The following SUPT3H variants were observed in gnomAD, a reference collection of about 807,000 sequenced individuals.
The protein encoded by SUPT3H is transcription initiation protein SPT3 homolog.
SUPT3H carries 44 observed loss-of-function variants against 44.3 expected under a neutral mutation model. The observed-to-expected ratio is 0.99, with a 90% CI of 0.78 to 1.28. The LOEUF (loss-of-function observed/expected upper bound fraction) is 1.28, where lower values mean the gene tolerates loss of function less well. SUPT3H is among the 50% of genes most tolerant of loss of function. The pLI, the probability that SUPT3H is intolerant of heterozygous loss-of-function variation, is 0.00. For synonymous variants in SUPT3H, 124 were observed against 125.6 expected, an observed-to-expected ratio of 0.99 and a Z score of 0.09; for missense variants, 380 against 387.1, an observed-to-expected ratio of 0.98 and a Z score of 0.15.
chr6:44,998,525 T>C (rs1536906), intron 6 of SUPT3H, among the ~76,000 whole-genome samples: 147,486 of 151,942 alleles, frequency 0.97, 71,606 homozygotes, highest in East Asian at 1. Context: ...TGGTCTTCTG[T>C]CAATAGCTAT....
chr6:45,185,139 C>G (rs1480745921), intron 2 of SUPT3H, among the ~76,000 whole-genome samples: 1 of 152,160 alleles, frequency 6.6e-6, no homozygotes, highest in South Asian at 2.1e-4. Flanking sequence ...ATTCCTCCAA[C>G]TGATTAGTGT....
intron 2 of SUPT3H, among the ~76,000 whole-genome samples, chr6:45,331,448 G>C (rs892800092): frequency 6.6e-6 from 1 of 151,888 alleles, no homozygotes; most frequent in Non-Finnish European, 1.5e-5. Context: ...ATTCAGTAGT[G>C]ACAAAGTTTT....
intron 3 of SUPT3H, among the ~76,000 whole-genome samples, chr6:45,062,711 G>A (rs945608463): frequency 6.6e-6 from 1 of 152,152 alleles, no homozygotes; most frequent in East Asian, 1.9e-4. Context: ...GACGCACCTG[G>A]AAAATCGGGT....
chr6:45,181,896 TAAATAATA>T (rs1345179567), intron 2 of SUPT3H, among the ~76,000 whole-genome samples: 115 of 140,734 alleles, frequency 8.2e-4, no homozygotes, highest in African/African-American at 3.1e-3. Context: ...AATAAATAAA[TAAATAATA>T]AAACTATACC....
intron 2 of SUPT3H, among the ~76,000 whole-genome samples, chr6:45,291,466 G>C (rs1043502110): frequency 6.6e-6 from 1 of 152,160 alleles, no homozygotes; most frequent in African/African-American, 2.4e-5. Context: ...TGATGTACCT[G>C]AAAAACAATT....
At chr6:45,023,034 C>T (rs1306145135) in intron 3 of SUPT3H, among the ~76,000 whole-genome samples, 1 of 151,872 alleles carries the variant, frequency 6.6e-6, no homozygotes, top group African/African-American at 2.4e-5. Context: ...TTGCCTACTA[C>T]CAGAAAGACT....
At chr6:44,901,691 C>G (rs1476857214) in intron 10 of SUPT3H, among the ~76,000 whole-genome samples, 1 of 150,646 alleles carries the variant, frequency 6.6e-6, no homozygotes, top group Non-Finnish European at 1.5e-5. Flanking sequence ...AGATACTCCT[C>G]GAGAAGAGCA....
intron 3 of SUPT3H, among the ~76,000 whole-genome samples, chr6:45,048,932 C>G (rs1362663341): frequency 6.6e-6 from 1 of 151,822 alleles, no homozygotes; most frequent in Non-Finnish European, 1.5e-5. Flanking sequence ...CCAAAGGATA[C>G]AAAACTTCAG....
At chr6:44,942,767 G>A (rs1267732017) in intron 9 of SUPT3H, among the ~76,000 whole-genome samples, 8 of 152,170 alleles carry the variant, frequency 5.3e-5, no homozygotes, top group African/African-American at 1.9e-4. Flanking sequence ...TTCCTGTATG[G>A]TATGAAATGC....
intron 6 of SUPT3H, among the ~76,000 whole-genome samples, chr6:44,982,748 T>C (rs1779277902): frequency 6.6e-6 from 1 of 152,210 alleles, no homozygotes; most frequent in African/African-American, 2.4e-5. Context: ...ATAGTGATAA[T>C]GAAAGACAGA....
At chr6:44,872,437 C>A (rs998013254) in intron 10 of SUPT3H, among the ~76,000 whole-genome samples, 36 of 143,938 alleles carry the variant, frequency 2.5e-4, no homozygotes, top group Middle Eastern at 3.7e-3. Flanking sequence ...ACTTTATAGA[C>A]AAGCAAATGC....
chr6:45,199,941 A>G (rs914896183), intron 2 of SUPT3H, among the ~76,000 whole-genome samples: 2 of 151,358 alleles, frequency 1.3e-5, no homozygotes, highest in African/African-American at 4.8e-5. Flanking sequence ...TGTTCCAAGG[A>G]AAGTCAGTCA....
At chr6:45,312,477 T>G (rs563766016) in intron 2 of SUPT3H, among the ~76,000 whole-genome samples, 1 of 145,268 alleles carries the variant, frequency 6.9e-6, no homozygotes, top group East Asian at 2.0e-4. Context: ...ATCGTGCCAC[T>G]GCACTCCAGC....
At chr6:44,943,800 C>T (rs1382875239) in intron 9 of SUPT3H, among the ~76,000 whole-genome samples, 1 of 151,722 alleles carries the variant, frequency 6.6e-6, no homozygotes, top group Non-Finnish European at 1.5e-5. Flanking sequence ...CATCATCCAA[C>T]AATGAAGAAA....
At chr6:45,125,767 T>C (rs1276655021) in intron 2 of SUPT3H, among the ~76,000 whole-genome samples, 1 of 151,496 alleles carries the variant, frequency 6.6e-6, no homozygotes, top group Non-Finnish European at 1.5e-5. Flanking sequence ...CTGAACACAA[T>C]AGTATGTGTT....
rs1290900904 is a variant in SUPT3H, at chr6:45,174,360, C to A, written c.102-68354G>T. Among the ~76,000 whole-genome samples, 3 of 152,220 alleles carry A rather than the reference C, an allele frequency of 2.0e-5. No individual in the cohort carries two copies. In the East Asian group the frequency reaches 5.8e-4, roughly 29 times the overall value. Reference sequence around the variant, plus strand: ...TTCTCTAAATAAACAAGAAATTAATCTTTTACATCTCTGGAGTTTGGTTCC... The same window carrying A: ...TTCTCTAAATAAACAAGAAATTAATATTTTACATCTCTGGAGTTTGGTTCC... On this transcript the variant is annotated intron_variant, in intron 2 of 10. Coordinates refer to ENST00000371459, the MANE Select transcript of SUPT3H (RefSeq NM_003599.4).
At chr6:45,273,924 A>G (rs186610844) in intron 2 of SUPT3H, among the ~76,000 whole-genome samples, 11 of 152,326 alleles carry the variant, frequency 7.2e-5, no homozygotes, top group South Asian at 2.1e-4. Context: ...ACACCATAGC[A>G]CATTCCCATC....
intron 10 of SUPT3H, among the ~76,000 whole-genome samples, chr6:44,872,787 T>G (rs1204358963): frequency 4.3e-4 from 20 of 46,966 alleles, no homozygotes; most frequent in Non-Finnish European, 8.9e-4. Context: ...AGGCTCAAAA[T>G]AAAAGGATGG....
chr6:45,047,525 C>A (rs1459533906), intron 3 of SUPT3H, among the ~76,000 whole-genome samples: 1 of 152,046 alleles, frequency 6.6e-6, no homozygotes, highest in Non-Finnish European at 1.5e-5. Context: ...CCCATACAAA[C>A]AACTATTTTA....
Sources: gnomAD v4.1 joint callset for allele counts (sites outside exome capture counted in the v4.1 genomes callset) on GRCh38, gnomAD v4.1.1 for gene constraint, MANE v1.5 for transcripts, NCBI Gene and HGNC (gene_info 2026-07-23, HGNC 2026-07-21) for gene names.